KCNQ1: variants seen among roughly 807,000 people sequenced by gnomAD.
KCNQ1 encodes potassium voltage-gated channel subfamily Q member 1.
A neutral mutation model predicts 72.4 loss-of-function variants in KCNQ1; 49 were observed. That is an observed-to-expected ratio of 0.68 (90% CI 0.54 to 0.86). The LOEUF (loss-of-function observed/expected upper bound fraction) is 0.86, where lower values mean the gene tolerates loss of function less well. KCNQ1 is among the 40% of genes least tolerant of loss of function. The pLI is 0.00. For synonymous variants in KCNQ1, 450 were observed against 412.6 expected (o/e 1.09, Z -1.10); for missense variants, 790 against 945.1 (o/e 0.84, Z 2.15).
intron 15 of KCNQ1, among the ~76,000 whole-genome samples, chr11:2,804,387 G>C (rs1847333271): frequency 6.6e-6 from 1 of 152,238 alleles, no homozygotes; most frequent in African/African-American, 2.4e-5. Context: ...AGGCCGCCTG[G>C]TCAAGCCCAT....
chr11:2,790,928 C>T (rs952162759), intron 15 of KCNQ1, among the ~76,000 whole-genome samples: 2 of 152,184 alleles, frequency 1.3e-5, no homozygotes, highest in African/African-American at 4.8e-5. Context: ...CAGCGGCTTC[C>T]TGCTTCTCTT....
chr11:2,477,658 G>A lies in KCNQ1; in HGVS notation c.386+32174G>A, dbSNP rs964847805. On this transcript the variant is annotated intron_variant, in intron 1 of 15. Transcript: ENST00000155840. The surrounding 1 kb of genome is among the most constrained non-coding windows in gnomAD (Gnocchi z 5.0). ...TCATGCCTGTAATCCCACCACTTTG[G>A]GAGGCTAAGGTGGGAGGATTGCCTG... Among the ~76,000 whole-genome samples the A allele has an allele frequency of 1.3e-5, 2 of 151,902 alleles. No individual in the cohort carries two copies. Among genetic ancestry groups the A allele is most frequent in the Non-Finnish European group, 2.9e-5 (2 of 67,986 alleles).
chr11:2,656,323 A>G (rs1290208041), intron 10 of KCNQ1: 4 of 398,516 alleles, frequency 1.0e-5, no homozygotes, highest in Non-Finnish European at 1.8e-5. Context: ...CAGGTCCCAG[A>G]CCTGTGGGTC....
At position 2,687,795 on chromosome 11, in the gene KCNQ1, C is replaced by A; in HGVS notation, c.1514+25714C>A. On this transcript the variant is annotated intron_variant, in intron 11 of 15. Transcript: ENST00000155840. The surrounding 1 kb of genome is among the most constrained non-coding windows in gnomAD (Gnocchi z 5.0). ...AGGCCTAACCACACCCCTAAGCCAC[C>A]CAGCCTGGCCCCCCTCCTCTGCCCC... The A allele has an allele frequency of 2.5e-6, 1 of 398,698 alleles. No individual in the cohort carries two copies. The highest frequency in any genetic ancestry group is 2.1e-5 in the African/African-American group (1 of 48,752). 24.7% of individuals were successfully genotyped at this position (398,698 alleles called of 1,614,324 possible). A position where few individuals can be genotyped will look rare whatever the true frequency, so the allele number is the denominator to read the frequency against.
In KCNQ1 at chr11:2,621,129, C is replaced by A. The variant is rs1466654088; in HGVS notation, c.1393+32275C>A. 5.0e-6 allele frequency: 2 copies of A among 397,134 alleles called. No homozygotes were observed. The highest frequency in any genetic ancestry group is 8.9e-6 in the Non-Finnish European group (2 of 225,836). The allele number at this position is 397,134 out of a possible 1,614,324, so 24.6% of individuals were successfully genotyped here. ...AGTAGCTGGGATTACAGGTGACCGC[C>A]ACCATACCTGGCTAATTTTTGTGTT... is the stretch of plus-strand genomic sequence containing the variant. On this transcript the variant is annotated intron_variant, in intron 10 of 15. Transcript: ENST00000155840. This position sits in a 1 kb window ranked among gnomAD's most constrained non-coding sequence, Gnocchi z 5.7.
chr11:2,609,644 G>A, intron 10 of KCNQ1: 1 of 398,250 alleles, frequency 2.5e-6, no homozygotes, highest in Non-Finnish European at 4.4e-6. Context: ...TACTATTGTT[G>A]AATTGGCTAT....
At chr11:2,672,875 T>G (rs1330056238) in intron 11 of KCNQ1, 4 of 398,636 alleles carry the variant, frequency 1.0e-5, no homozygotes, top group Non-Finnish European at 1.8e-5. Context: ...CCTAGCCACC[T>G]GACTGTCAGG....
chr11:2,840,499 G>A (rs1394447415), intron 15 of KCNQ1: 8 of 148,032 alleles, frequency 5.4e-5, no homozygotes, highest in Admixed American at 2.8e-4. Context: ...AAGATTTAGG[G>A]GGTAAAACAC....
chr11:2,768,354 T>G lies in KCNQ1; in HGVS notation c.1515-490T>G, dbSNP rs553318748. Among the ~76,000 whole-genome samples, 5 of 152,344 alleles carry G rather than the reference T, an allele frequency of 3.3e-5. No individual in the cohort carries two copies. The South Asian group carries it at 6.2e-4, about 19-fold the overall frequency. ...AACAGAGTGGCTCTGGTGGCAACTT[T>G]CCCTTGTTAATTTGTCCTGTAGCCC... is the stretch of plus-strand genomic sequence containing the variant. On this transcript the variant is annotated intron_variant, in intron 11 of 15. Coordinates refer to ENST00000155840, the MANE Select transcript of KCNQ1 (RefSeq NM_000218.3). The surrounding 1 kb of genome is among the most constrained non-coding windows in gnomAD (Gnocchi z 6.7).
rs542745160 is a variant in KCNQ1, at chr11:2,714,031, C to T, written c.1514+51950C>T. Among the ~76,000 whole-genome samples, 3 of 151,802 alleles carry T rather than the reference C, an allele frequency of 2.0e-5. No individual in the cohort carries two copies. The East Asian group carries it at 5.9e-4, about 30-fold the overall frequency. On this transcript the variant is annotated intron_variant, in intron 11 of 15. Transcript: ENST00000155840. The stretch of plus-strand genomic sequence containing the variant: ...GCCTTGGGGCACCCAGGCCTGCAGC[C>T]CTCCCCCACACAGGCAGTCTCCACA...
intron 10 of KCNQ1, chr11:2,610,344 A>G (rs576378349): frequency 2.0e-5 from 8 of 398,064 alleles, no homozygotes; most frequent in African/African-American, 6.2e-5. Flanking sequence ...CGCTATTATA[A>G]TGATCATACT....
Position 2,571,987 on chromosome 11 carries a change from T to G in KCNQ1, c.684-26T>G, listed in dbSNP as rs759068643. 2.5e-6 allele frequency: 4 copies of G among 1,596,434 alleles called. No homozygotes were observed. The East Asian group carries it at 9.0e-5, about 36-fold the overall frequency. ...AACAGCTGAGCCCAGCCTGGCTCCCTCAGCCCCACACCATCTCCTTCGCAG... is the reference window on the plus strand; with the variant it reads ...AACAGCTGAGCCCAGCCTGGCTCCCGCAGCCCCACACCATCTCCTTCGCAG... On this transcript the variant is annotated intron_variant, in intron 4 of 15. Coordinates refer to ENST00000155840, the MANE Select transcript of KCNQ1 (RefSeq NM_000218.3).
intron 15 of KCNQ1, among the ~76,000 whole-genome samples, chr11:2,794,135 C>T (rs1265838094): frequency 6.6e-6 from 1 of 152,122 alleles, no homozygotes; most frequent in Non-Finnish European, 1.5e-5. Flanking sequence ...AGGAGGGTTA[C>T]AGGCAGGTGA....
chr11:2,751,624 T>TTTGAA (rs1388444778), intron 11 of KCNQ1, among the ~76,000 whole-genome samples: 3 of 152,280 alleles, frequency 2.0e-5, no homozygotes, highest in African/African-American at 7.2e-5. Context: ...GCGACCCTCG[T>TTTGAA]CTGACAGGCG....
At position 2,784,148 on chromosome 11, in the gene KCNQ1, G is replaced by A. The variant is rs963105070; in HGVS notation, c.1794+6111G>A. On this transcript the variant is annotated intron_variant, in intron 15 of 15. Transcript: ENST00000155840. This position sits in a 1 kb window ranked among gnomAD's most constrained non-coding sequence, Gnocchi z 4.7. ...TGTATAGAATTAGCTCTTACATTTC[G>A]GTCTATATTTACTTTGAGGTAATTT... Among the ~76,000 whole-genome samples the A allele has an allele frequency of 3.3e-5, 5 of 151,506 alleles. No individual in the cohort carries two copies. Among genetic ancestry groups the A allele is most frequent in the African/African-American group, 9.7e-5 (4 of 41,298 alleles).
rs1176628316 is a variant in KCNQ1 at position 2,782,455 on chromosome 11, G to A, written c.1794+4418G>A. Among the ~76,000 whole-genome samples the A allele has an allele frequency of 6.6e-6, 1 of 152,154 alleles. No homozygotes were observed. The highest frequency in any genetic ancestry group is 1.5e-5 in the Non-Finnish European group (1 of 68,028). On this transcript the variant is annotated intron_variant, in intron 15 of 15. Transcript: ENST00000155840. The surrounding 1 kb of genome is among the most constrained non-coding windows in gnomAD (Gnocchi z 6.1). ...AGGCTTTGGTGTCAAATGTATGTGA[G>A]CCTCACAGACTAACTTAAGAAGTGT...
intron 1 of KCNQ1, among the ~76,000 whole-genome samples, chr11:2,455,626 T>G (rs542766165): frequency 6.6e-6 from 1 of 152,360 alleles, no homozygotes; most frequent in Non-Finnish European, 1.5e-5. Context: ...ATTGTTAAAA[T>G]GGCCATACGG....
intron 11 of KCNQ1, among the ~76,000 whole-genome samples, chr11:2,761,521 C>A (rs1303933998): frequency 6.6e-6 from 1 of 152,188 alleles, no homozygotes; most frequent in Non-Finnish European, 1.5e-5. Flanking sequence ...GGTCCGTGCA[C>A]ATAGGCCGTA....
chr11:2,794,017 G>A lies in KCNQ1; in HGVS notation c.1794+15980G>A, dbSNP rs116209651. 3.2e-4 allele frequency among the ~76,000 whole-genome samples: 48 copies of A among 152,292 alleles called. 1 individual carries two copies. The highest frequency in any genetic ancestry group is 1.0e-3 in the African/African-American group (43 of 41,568). On this transcript the variant is annotated intron_variant, in intron 15 of 15. Transcript: ENST00000155840. Reference sequence around the variant, plus strand: ...TGTGCAGCCTTGCAAAGGCCCTAGGGCACGAGGGCACATCCTCCTGAGGCC... The same window carrying A: ...TGTGCAGCCTTGCAAAGGCCCTAGGACACGAGGGCACATCCTCCTGAGGCC...
Sources: allele counts gnomAD v4.1 joint callset (sites outside exome capture counted in the v4.1 genomes callset), GRCh38; gene constraint gnomAD v4.1.1; non-coding constraint Gnocchi (gnomAD v3.1); transcripts MANE v1.5; gene names NCBI Gene and HGNC (gene_info 2026-07-23, HGNC 2026-07-21).